Variants in ACAD8 observed in about 807,000 individuals in gnomAD.
The protein encoded by ACAD8 is acyl-CoA dehydrogenase family member 8.
In ACAD8, 47 loss-of-function variants were observed where a neutral mutation model predicts 53.1. The observed-to-expected ratio is 0.89, with a 90% confidence interval of 0.70 to 1.13. The LOEUF (loss-of-function observed/expected upper bound fraction) is 1.13, where lower values mean the gene tolerates loss of function less well. Among genes scored for constraint, ACAD8 ranks in the 50% most tolerant of loss-of-function variants. The probability of loss-of-function intolerance (pLI) is 0.00; values close to 1 mark genes in which losing one functional copy is unlikely to be tolerated. For synonymous variants in ACAD8, 198 were observed against 201.3 expected (o/e 0.98, Z 0.14); for missense variants, 494 against 535.0 (o/e 0.92, Z 0.76).
chr11:134,260,999 C>G (rs1939836140), intron 6 of ACAD8, 45 bp from the exon 7 acceptor site: 1 of 1,605,398 alleles, frequency 6.2e-7, no homozygotes, highest in Admixed American at 1.7e-5. Context: ...GGCCGCCCTA[C>G]CTGCTGGATT....
chr11:134,258,864 C>G (rs1395480986), intron 4 of ACAD8, 144 bp from the exon 5 acceptor site: 1 of 810,634 alleles, frequency 1.2e-6, no homozygotes, highest in Admixed American at 2.0e-5. Context: ...ACAGAGAGTT[C>G]CTTTGGCCAC....
rs368254088 is a variant in ACAD8 at position 134,258,644 on chromosome 11, C to T, written c.490+20C>T. The T allele has an allele frequency of 6.5e-7, 1 of 1,550,214 alleles. No individual in the cohort carries two copies. Among genetic ancestry groups the T allele is most frequent in the African/African-American group, 1.4e-5 (1 of 73,692 alleles). ...AACCAGGTGAATTTGCCACACTGCA[C>T]TGAGATATAGCAGGGAGAGATGCTT... On this transcript the variant is annotated intron_variant, in intron 4 of 10. Coordinates refer to ENST00000281182, the MANE Select transcript of ACAD8 (RefSeq NM_014384.3).
At chr11:134,255,212 C>T (rs1054936649) in intron 1 of ACAD8, among the ~76,000 whole-genome samples, 2 of 152,176 alleles carry the variant, frequency 1.3e-5, no homozygotes, top group South Asian at 2.1e-4. Context: ...TCTCAACTCA[C>T]CGCAACCTCT....
chr11:134,259,932 T>A (rs1478617484), intron 6 of ACAD8, 187 bp downstream of exon 6: 1 of 1,457,698 alleles, frequency 6.9e-7, no homozygotes, highest in Non-Finnish European at 9.1e-7. Flanking sequence ...ACTAGGCCTC[T>A]GGGGAAAGTG....
intron 1 of ACAD8, 37 bp from the exon 2 acceptor site, chr11:134,256,511 C>A: frequency 6.4e-7 from 1 of 1,567,468 alleles, no homozygotes; most frequent in South Asian, 1.1e-5. Context: ...GCAACACTGA[C>A]CCTGTCCTAG....
At position 134,261,504 on chromosome 11, in the gene ACAD8, G is replaced by A. The variant is rs1845783436; in HGVS notation, c.939+132G>A. On this transcript the variant is annotated intron_variant, in intron 8 of 10. Coordinates refer to ENST00000281182, the MANE Select transcript of ACAD8 (RefSeq NM_014384.3). This position sits in a 1 kb window ranked among gnomAD's most constrained non-coding sequence, Gnocchi z 4.2. The stretch of plus-strand genomic sequence containing the variant: ...CACCACTGTCCTAGCCAGAGCTTGT[G>A]CTTTATTTCTGTCCATCTTTTCTTG... The A allele has an allele frequency of 6.7e-7, 1 of 1,503,220 alleles. No homozygotes were observed. Among genetic ancestry groups the A allele is most frequent in the Non-Finnish European group, 9.1e-7 (1 of 1,098,102 alleles). The allele number at this position is 1,503,220 out of a possible 1,614,324, so 93.1% of individuals were successfully genotyped here. A position where few individuals can be genotyped will look rare whatever the true frequency, so the allele number is the denominator to read the frequency against.
chr11:134,259,215 C>T (rs745622900), intron 5 of ACAD8, 131 bp downstream of exon 5: 17 of 811,612 alleles, frequency 2.1e-5, no homozygotes, highest in Non-Finnish European at 2.7e-5. Context: ...GAACCTCTGA[C>T]CCATTTCTCT....
chr11:134,254,945 G>A (rs1939411531), intron 1 of ACAD8, among the ~76,000 whole-genome samples: 1 of 152,188 alleles, frequency 6.6e-6, no homozygotes, highest in Non-Finnish European at 1.5e-5. Flanking sequence ...CTGGGAACTT[G>A]TGTTTACTTA....
chr11:134,264,984 T>G lies in ACAD8; in HGVS notation c.*24T>G. 1 of 1,612,702 alleles carries G rather than the reference T, an allele frequency of 6.2e-7. No homozygotes were observed. Among genetic ancestry groups the G allele is most frequent in the South Asian group, 1.1e-5 (1 of 91,046 alleles). ...AGAACCCACACTTGTTCTGGCCTGG[T>G]GTTCAGTGCGACTGCAGTCAGTGTT... On this transcript the variant is annotated 3_prime_UTR_variant, in exon 11 of 11. Transcript: ENST00000281182.
At chr11:134,256,763 T>C in intron 2 of ACAD8, 115 bp downstream of exon 2, 1 of 933,100 alleles carries the variant, frequency 1.1e-6, no homozygotes, top group South Asian at 1.7e-5. Context: ...CAACTCTTAC[T>C]GCAAGTGAGA....
rs1202938089 is a variant in ACAD8, at chr11:134,261,704, A to G, written c.940-34A>G. On this transcript the variant is annotated intron_variant, in intron 8 of 10. Transcript: ENST00000281182. The surrounding 1 kb of genome is among the most constrained non-coding windows in gnomAD (Gnocchi z 4.2). ...CACCAGGTGCTGGTCTAAGCCCCTCAGTCTTGTCTGGTTCTCTGCTCCCTG... is the reference window on the plus strand; with the variant it reads ...CACCAGGTGCTGGTCTAAGCCCCTCGGTCTTGTCTGGTTCTCTGCTCCCTG... 5 of 1,611,396 alleles carry G rather than the reference A, an allele frequency of 3.1e-6. No homozygotes were observed. Among genetic ancestry groups the G allele is most frequent in the Admixed American group, 1.7e-5 (1 of 59,916 alleles).
Position 134,257,209 on chromosome 11 carries a change from C to T in ACAD8, c.332C>T (p.Ala111Val). The change falls in exon 3 of 11, where the codon GCC becomes GTC. Residue 111 changes from alanine (A) to valine (V), a missense_variant. Coordinates refer to ENST00000281182, the MANE Select transcript of ACAD8 (RefSeq NM_014384.3). ...CTTGATACCTCTGTCATTTTTGAAG[C>T]CTTGGCTACAGGCTGCACCAGCACC... ...SRLDTSVIFEALATGCTSTTA... is the reference protein window; with the variant it reads ...SRLDTSVIFEVLATGCTSTTA... The T allele has an allele frequency of 1.2e-6, 2 of 1,614,160 alleles. No individual in the cohort carries two copies. Among genetic ancestry groups the T allele is most frequent in the Non-Finnish European group, 1.7e-6 (2 of 1,180,040 alleles).
At chr11:134,263,882 G>A in intron 10 of ACAD8, 2 of 985,406 alleles carry the variant, frequency 2.0e-6, no homozygotes, top group Non-Finnish European at 2.4e-6. Flanking sequence ...GAGACGATGT[G>A]ACTACTGATT....
At chr11:134,256,828 CT>C (rs1178259363) in intron 2 of ACAD8, 180 bp downstream of exon 2, 124 of 679,084 alleles carry the variant, frequency 1.8e-4, no homozygotes, top group Non-Finnish European at 2.5e-4. Flanking sequence ...TTGTACATAA[CT>C]TTTTTTTTGT....
At chr11:134,256,113 G>A (rs1939514027) in intron 1 of ACAD8, among the ~76,000 whole-genome samples, 1 of 152,182 alleles carries the variant, frequency 6.6e-6, no homozygotes, top group African/African-American at 2.4e-5. Context: ...TTCCATGTTG[G>A]TCAGGCTGGT....
In ACAD8 at chr11:134,262,620, A is replaced by C. The variant is rs1218106884; in HGVS notation, c.1193A>C (p.Glu398Ala). 1.2e-6 allele frequency: 2 copies of C among 1,613,132 alleles called. No homozygotes were observed. Among genetic ancestry groups the C allele is most frequent in the African/African-American group, 2.7e-5 (2 of 74,894 alleles). The change falls in exon 10 of 11, where the codon GAA (glutamate) becomes GCA (alanine). Residue 398 changes from glutamate (E) to alanine (A), a missense_variant and splice_region_variant. Glu to Ala is a moderately radical substitution (Grantham distance 107, BLOSUM62 -1). Transcript: ENST00000281182. ...GACTCCAGGGTCCACCAGATTCTAG[A>C]AGGTAAAAATTGCCAGAGGTTATTC... ...VRDSRVHQILEGSNEVMRILI... is the reference protein window; with the variant it reads ...VRDSRVHQILAGSNEVMRILI...
intron 1 of ACAD8, 150 bp downstream of exon 1, chr11:134,253,859 C>T: frequency 1.2e-6 from 1 of 854,258 alleles, no homozygotes; most frequent in Non-Finnish European, 1.9e-6. Context: ...CTCCCTACTC[C>T]GGCCGGTCAC....
chr11:134,259,910 G>C, intron 6 of ACAD8, 165 bp downstream of exon 6: 1 of 1,479,470 alleles, frequency 6.8e-7, no homozygotes, highest in Non-Finnish European at 9.1e-7. Context: ...ATACAACAGG[G>C]CATTATTAAA....
At chr11:134,256,724 T>C (rs1293401719) in intron 2 of ACAD8, 76 bp downstream of exon 2, 8 of 1,294,418 alleles carry the variant, frequency 6.2e-6, no homozygotes, top group South Asian at 1.3e-5. Context: ...CTCCTGATAA[T>C]GTAATTGTTA....
Sources: gnomAD v4.1 joint callset for allele counts (sites outside exome capture counted in the v4.1 genomes callset) on GRCh38, gnomAD v4.1.1 for gene constraint, Gnocchi (gnomAD v3.1) non-coding constraint, MANE v1.5 for transcripts, NCBI Gene and HGNC (gene_info 2026-07-23, HGNC 2026-07-21) for gene names.